The following RBPMS2 variants were observed in gnomAD, a reference collection of about 807,000 sequenced individuals.
The protein encoded by RBPMS2 is RNA-binding protein with multiple splicing 2.
A neutral mutation model predicts 25.7 loss-of-function variants in RBPMS2; 14 were observed. That is an observed-to-expected ratio of 0.55 (90% CI 0.36 to 0.85). The LOEUF is 0.85. Ranked by LOEUF, RBPMS2 falls within the 40% of genes least tolerant of loss-of-function variation. RBPMS2 has a pLI of 0.01. For missense variants in RBPMS2, 252 were observed against 283.4 expected (o/e 0.89, Z 0.80); for synonymous variants, 127 against 115.6 (o/e 1.10, Z -0.63).
intron 1 of RBPMS2, among the ~76,000 whole-genome samples, chr15:64,763,167 G>A (rs1446306370): frequency 6.6e-6 from 1 of 152,118 alleles, no homozygotes; most frequent in Non-Finnish European, 1.5e-5. Context: ...AAGGCCCTCT[G>A]AGTATGGCCA....
intron 1 of RBPMS2, among the ~76,000 whole-genome samples, chr15:64,759,006 G>C (rs1193052311): frequency 6.6e-6 from 1 of 151,860 alleles, no homozygotes; most frequent in African/African-American, 2.4e-5. Context: ...GCCTGGGCTG[G>C]TCTCGAACTC....
At chr15:64,769,105 A>T (rs2083872716) in intron 1 of RBPMS2, among the ~76,000 whole-genome samples, 1 of 148,912 alleles carries the variant, frequency 6.7e-6, no homozygotes, top group African/African-American at 2.5e-5. Flanking sequence ...CGTCTCAAAA[A>T]AAAAAAAAAA....
chr15:64,774,783 A>G (rs1595798560), intron 1 of RBPMS2, among the ~76,000 whole-genome samples: 1 of 149,288 alleles, frequency 6.7e-6, no homozygotes, highest in African/African-American at 2.5e-5. Context: ...AGGGCGGAAA[A>G]GGCAGTGGAG....
intron 1 of RBPMS2, among the ~76,000 whole-genome samples, chr15:64,770,447 T>C (rs2083885003): frequency 6.6e-6 from 1 of 152,204 alleles, no homozygotes; most frequent in African/African-American, 2.4e-5. Flanking sequence ...GTGCAGAACA[T>C]ATAACAATGC....
chr15:64,744,789 GTTTGTTTTGTTTT>G (rs2083599816), intron 6 of RBPMS2, among the ~76,000 whole-genome samples: 1 of 61,604 alleles, frequency 1.6e-5, no homozygotes. Context: ...AGTTTTTTTG[GTTTGTTTTGTTTT>G]TTTTTTTTTT....
At position 64,740,951 on chromosome 15, in the gene RBPMS2, T is replaced by C. The variant is rs2083555752; in HGVS notation, c.*57A>G. 1 of 481,392 alleles carries C rather than the reference T, an allele frequency of 2.1e-6. No homozygotes were observed. The highest frequency in any genetic ancestry group is 3.8e-6 in the Non-Finnish European group (1 of 265,388). The allele number at this position is 481,392 out of a possible 1,614,324, so 29.8% of individuals were successfully genotyped here. On this transcript the variant is annotated 3_prime_UTR_variant, in exon 8 of 8. Transcript: ENST00000300069. ...GGGGGCAGTGGGAACTCGGGGCGCC[T>C]GTCCCGGCACCACCACAGATTACCA...
chr15:64,743,780 A>AACCG (rs2083587115), intron 6 of RBPMS2, among the ~76,000 whole-genome samples: 1 of 152,114 alleles, frequency 6.6e-6, no homozygotes, highest in Non-Finnish European at 1.5e-5. Context: ...AAGATACACC[A>AACCG]GAAAGCAAGC....
chr15:64,748,214 C>T (rs1217463931), intron 6 of RBPMS2, among the ~76,000 whole-genome samples: 1 of 152,152 alleles, frequency 6.6e-6, no homozygotes, highest in Admixed American at 6.5e-5. Context: ...CATGGGAACT[C>T]GTGGGTTATC....
intron 6 of RBPMS2, among the ~76,000 whole-genome samples, chr15:64,746,119 C>T (rs1328126501): frequency 6.6e-6 from 1 of 152,118 alleles, no homozygotes; most frequent in South Asian, 2.1e-4. Flanking sequence ...TGTTCTTAGT[C>T]GGGAAACAGT....
intron 1 of RBPMS2, among the ~76,000 whole-genome samples, chr15:64,759,539 C>G (rs2083763323): frequency 6.6e-6 from 1 of 152,230 alleles, no homozygotes; most frequent in African/African-American, 2.4e-5. Context: ...TTCAGACAAA[C>G]TGACATTTGT....
chr15:64,744,162 C>G (rs1469365674), intron 6 of RBPMS2, among the ~76,000 whole-genome samples: 2 of 151,428 alleles, frequency 1.3e-5, no homozygotes, highest in African/African-American at 4.8e-5. Context: ...ATATAAACAA[C>G]CAAAGATATG....
chr15:64,744,788 GGTTT>G (rs1207161051), intron 6 of RBPMS2, among the ~76,000 whole-genome samples: 2 of 65,154 alleles, frequency 3.1e-5, no homozygotes, highest in African/African-American at 5.9e-5. Context: ...AAGTTTTTTT[GGTTT>G]GTTTTGTTTT....
chr15:64,763,706 TG>T, intron 1 of RBPMS2, among the ~76,000 whole-genome samples: 1 of 152,208 alleles, frequency 6.6e-6, no homozygotes, highest in Non-Finnish European at 1.5e-5. Flanking sequence ...AGTGCCTGGC[TG>T]GCCAGTGGCA....
At chr15:64,741,321 G>C in intron 6 of RBPMS2, 79 bp from the exon 7 acceptor site, 1 of 1,130,162 alleles carries the variant, frequency 8.8e-7, no homozygotes, top group Admixed American at 2.0e-5. Flanking sequence ...GGCCATCGGT[G>C]TCCCCGCTGG....
At chr15:64,747,304 T>C (rs767270804) in intron 6 of RBPMS2, among the ~76,000 whole-genome samples, 7 of 152,070 alleles carry the variant, frequency 4.6e-5, no homozygotes, top group Non-Finnish European at 1.0e-4. Context: ...AACCTGAAAA[T>C]GGACGTACAC....
At chr15:64,766,530 CTTTT>C (rs553968428) in intron 1 of RBPMS2, among the ~76,000 whole-genome samples, 1 of 141,734 alleles carries the variant, frequency 7.1e-6, no homozygotes, top group Non-Finnish European at 1.5e-5. Flanking sequence ...TTAATGGTGG[CTTTT>C]TTTTTTTTTT....
Position 64,775,352 on chromosome 15 carries a change from G to C in RBPMS2, c.-33C>G. 8.3e-7 allele frequency: 1 copy of C among 1,208,478 alleles called. No individual in the cohort carries two copies. The highest frequency in any genetic ancestry group is 3.4e-5 in the East Asian group (1 of 29,026). 74.9% of individuals were successfully genotyped at this position (1,208,478 alleles called of 1,614,324 possible). ...GGGAGGGGGCGGCGGGAAGGAACGC[G>C]AGGGCGAGCGCGGCGCCGGCCCCGC... On this transcript the variant is annotated 5_prime_UTR_variant, in exon 1 of 8. Coordinates refer to ENST00000300069, the MANE Select transcript of RBPMS2 (RefSeq NM_194272.3).
At chr15:64,759,308 C>T (rs2083760732) in intron 1 of RBPMS2, among the ~76,000 whole-genome samples, 1 of 152,176 alleles carries the variant, frequency 6.6e-6, no homozygotes, top group South Asian at 2.1e-4. Flanking sequence ...GCTTTTGGAC[C>T]ATGCTGTCTA....
chr15:64,749,132 C>T lies in RBPMS2; in HGVS notation c.286G>A (p.Glu96Lys), dbSNP rs774369247. Residue 96 changes from glutamate to lysine, a missense_variant, in exon 5 of 8, where the codon GAA becomes AAA. By Grantham distance (56) the Glu-to-Lys change is moderately conservative. Transcript: ENST00000300069. ...TCTAGCCTCAGAGTCTGTGGATTTT[C>T]GGGATCAAAGCGAATACCCTACATG... ...NALNGIRFDPENPQTLRLEFA... is the reference protein window; with the variant it reads ...NALNGIRFDPKNPQTLRLEFA... 4.3e-6 allele frequency: 7 copies of T among 1,614,118 alleles called. No homozygotes were observed. In the East Asian group the frequency reaches 6.7e-5, roughly 15 times the overall value.
Sources: gnomAD v4.1 joint callset for allele counts (sites outside exome capture counted in the v4.1 genomes callset) on GRCh38, gnomAD v4.1.1 for gene constraint, MANE v1.5 for transcripts, NCBI Gene and HGNC (gene_info 2026-07-23, HGNC 2026-07-21) for gene names.